PPIH: variants seen among roughly 807,000 people sequenced by gnomAD.
The protein encoded by PPIH is peptidyl-prolyl cis-trans isomerase H.
PPIH carries 16 observed loss-of-function variants against 27.6 expected under a neutral mutation model. The observed-to-expected ratio is 0.58, with a 90% CI of 0.39 to 0.88. The LOEUF (loss-of-function observed/expected upper bound fraction) is 0.88, where lower values mean the gene tolerates loss of function less well. Among genes scored for constraint, PPIH ranks in the 40% least tolerant of loss-of-function variants. The pLI, the probability that PPIH is intolerant of heterozygous loss-of-function variation, is 0.00. For synonymous variants in PPIH, 63 were observed against 76.1 expected (o/e 0.83, Z 0.90); for missense variants, 155 against 224.1 (o/e 0.69, Z 1.97).
rs376358058 is a variant in PPIH at position 42,667,333 on chromosome 1, T to G, written c.466-18T>G. 8.2e-6 allele frequency: 13 copies of G among 1,576,380 alleles called. No individual in the cohort carries two copies. Among genetic ancestry groups the G allele is most frequent in the Non-Finnish European group, 1.1e-5 (13 of 1,145,926 alleles). The stretch of plus-strand genomic sequence containing the variant: ...AAGTGCCTGAGTGGATGAATCTCCA[T>G]TGTGCTTTTTTTCCTAGAATGTTCC... On this transcript the variant is annotated intron_variant, in intron 8 of 9. Transcript: ENST00000304979.
In PPIH at chr1:42,658,461, T is replaced by C. The variant is rs1222901981; in HGVS notation, c.15T>C (p.Asn5=). The C allele has an allele frequency of 6.2e-7, 1 of 1,614,074 alleles. No individual in the cohort carries two copies. MAVA[N]SSPVNPVVFF... ...GGGTCGGAGCCATGGCGGTGGCAAA[T>C]TCAAGTCCTGTTAACCCCGTGGTGT... The change falls in exon 1 of 10, where the codon AAT becomes AAC. Residue 5 remains asparagine, a synonymous_variant. Coordinates refer to ENST00000304979, the MANE Select transcript of PPIH (RefSeq NM_006347.4).
At chr1:42,664,552 A>G (rs1649224992) in intron 5 of PPIH, among the ~76,000 whole-genome samples, 1 of 152,146 alleles carries the variant, frequency 6.6e-6, no homozygotes, top group South Asian at 2.1e-4. Context: ...AATGGCAAGG[A>G]TTGAGTATGT....
chr1:42,674,434 C>T (rs1649788719), intron 9 of PPIH, among the ~76,000 whole-genome samples: 1 of 152,136 alleles, frequency 6.6e-6, no homozygotes, highest in African/African-American at 2.4e-5. Context: ...TGGAGAGAGG[C>T]CAGGGCCAGT....
chr1:42,673,195 G>A (rs1311041767), intron 9 of PPIH, among the ~76,000 whole-genome samples: 1 of 151,990 alleles, frequency 6.6e-6, no homozygotes, highest in Non-Finnish European at 1.5e-5. Context: ...ATGTTGTCCA[G>A]GCCGGTCTCA....
intron 9 of PPIH, among the ~76,000 whole-genome samples, chr1:42,669,065 C>T (rs922328037): frequency 9.9e-5 from 15 of 151,210 alleles, no homozygotes; most frequent in Non-Finnish European, 1.8e-4. Flanking sequence ...AAAAAATTAG[C>T]CAGGTGTGGT....
At chr1:42,666,089 T>C in intron 7 of PPIH, 22 bp downstream of exon 7, 8 of 1,608,644 alleles carry the variant, frequency 5.0e-6, no homozygotes, top group Non-Finnish European at 6.8e-6. Context: ...TCCTGTCTCA[T>C]GGTCCAGGCC....
chr1:42,662,418 G>A (rs961689734), intron 5 of PPIH, among the ~76,000 whole-genome samples: 1 of 152,000 alleles, frequency 6.6e-6, no homozygotes, highest in Admixed American at 6.6e-5. Flanking sequence ...TTTTGGTGGT[G>A]TGCGCCTGTA....
Position 42,667,483 on chromosome 1 carries a change from G to C in PPIH, c.*21+43G>C. 4.0e-6 allele frequency: 6 copies of C among 1,484,274 alleles called. No individual in the cohort carries two copies. The South Asian group carries it at 6.9e-5, about 17-fold the overall frequency. 91.9% of individuals were successfully genotyped at this position (1,484,274 alleles called of 1,614,324 possible). On this transcript the variant is annotated intron_variant, in intron 9 of 9. Transcript: ENST00000304979. ...CTATTAGGTTAGGAATCAGACCTCA[G>C]AGAAGGCAGCATGGTCTAGTGGAAA...
At chr1:42,675,158 C>T (rs536786127) in intron 9 of PPIH, 1 of 152,338 alleles carries the variant, frequency 6.6e-6, no homozygotes, top group South Asian at 2.1e-4. Flanking sequence ...AATACTTCTG[C>T]AGAGTAGAGA....
intron 9 of PPIH, among the ~76,000 whole-genome samples, chr1:42,672,441 T>C (rs72661326): frequency 0.11 from 16,694 of 151,806 alleles, 971 homozygotes; most frequent in East Asian, 0.19. Context: ...CAGGAATCCA[T>C]TGCATTCACA....
intron 9 of PPIH, among the ~76,000 whole-genome samples, chr1:42,672,038 C>A (rs911479259): frequency 1.3e-5 from 2 of 151,978 alleles, no homozygotes; most frequent in Non-Finnish European, 2.9e-5. Flanking sequence ...TGCCCACCAC[C>A]GCACCCAGCT....
At chr1:42,664,100 A>C (rs1050104277) in intron 5 of PPIH, among the ~76,000 whole-genome samples, 13 of 152,354 alleles carry the variant, frequency 8.5e-5, no homozygotes, top group African/African-American at 3.1e-4. Flanking sequence ...TTTAAGCAGA[A>C]ATTGGGAGTT....
In PPIH at chr1:42,663,020, C is replaced by T. The variant is rs1356849418; in HGVS notation, c.244-1843C>T. 3.9e-5 allele frequency among the ~76,000 whole-genome samples: 6 copies of T among 152,228 alleles called. No individual in the cohort carries two copies. The South Asian group carries it at 1.2e-3, about 32-fold the overall frequency. Reference sequence around the variant, plus strand: ...ACTATAGTTGAAGATAAGTTGCTTTCTATTGTTTGCTCCAAATTATTAATT... The same window carrying T: ...ACTATAGTTGAAGATAAGTTGCTTTTTATTGTTTGCTCCAAATTATTAATT... On this transcript the variant is annotated intron_variant, in intron 5 of 9. Coordinates refer to ENST00000304979, the MANE Select transcript of PPIH (RefSeq NM_006347.4).
intron 9 of PPIH, among the ~76,000 whole-genome samples, chr1:42,671,164 C>T (rs1649613304): frequency 6.6e-6 from 1 of 152,006 alleles, no homozygotes; most frequent in African/African-American, 2.4e-5. Flanking sequence ...TGTGGTGGCT[C>T]ACACCTGTAA....
At chr1:42,664,198 C>T (rs3768027) in intron 5 of PPIH, among the ~76,000 whole-genome samples, 45,511 of 152,062 alleles carry the variant, frequency 0.3, 6,980 homozygotes, top group Non-Finnish European at 0.32. Context: ...TCTTTATCTC[C>T]GTTTCTCTAG....
At chr1:42,667,987 G>A (rs771891855) in intron 9 of PPIH, among the ~76,000 whole-genome samples, 8 of 152,304 alleles carry the variant, frequency 5.3e-5, no homozygotes, top group Non-Finnish European at 1.0e-4. Flanking sequence ...CCTGCTCTGC[G>A]CTGGGCAGCA....
intron 8 of PPIH, 74 bp downstream of exon 8, chr1:42,666,661 G>A (rs1649357413): frequency 6.9e-7 from 1 of 1,449,918 alleles, no homozygotes; most frequent in Admixed American, 1.7e-5. Context: ...GCAGGAGCTA[G>A]AGAAGGGGGA....
intron 9 of PPIH, among the ~76,000 whole-genome samples, chr1:42,672,052 T>G (rs538384844): frequency 3.0e-4 from 45 of 152,004 alleles, no homozygotes; most frequent in African/African-American, 9.6e-4. Context: ...CCCAGCTAAT[T>G]TTTGTATTTT....
downstream of PPIH, among the ~76,000 whole-genome samples, chr1:42,679,837 G>A (rs192613130): frequency 2.3e-4 from 35 of 152,358 alleles, no homozygotes; most frequent in African/African-American, 8.2e-4. Flanking sequence ...AACAACAGCT[G>A]TGGAATCCAC....
Sources: gnomAD v4.1 joint callset for allele counts (sites outside exome capture counted in the v4.1 genomes callset) on GRCh38, gnomAD v4.1.1 for gene constraint, MANE v1.5 for transcripts, NCBI Gene and HGNC (gene_info 2026-07-23, HGNC 2026-07-21) for gene names.